The following AHI1 variants were observed in gnomAD, a reference collection of about 807,000 sequenced individuals.
AHI1 encodes Abelson helper integration site 1.
AHI1 carries 123 observed loss-of-function variants against 149.3 expected under a neutral mutation model. That is an observed-to-expected ratio of 0.82 (90% CI 0.71 to 0.96). The LOEUF (loss-of-function observed/expected upper bound fraction) is 0.96, where lower values mean the gene tolerates loss of function less well. Ranked by LOEUF, AHI1 falls within the 40% of genes least tolerant of loss-of-function variation. AHI1 has a pLI of 0.00. For synonymous variants in AHI1, 475 were observed against 459.8 expected, an observed-to-expected ratio of 1.03 and a Z score of -0.42; for missense variants, 1,439 against 1,422.7, an observed-to-expected ratio of 1.01 and a Z score of -0.18.
chr6:135,362,801 T>C (rs1794117923), intron 23 of AHI1, among the ~76,000 whole-genome samples: 1 of 152,128 alleles, frequency 6.6e-6, no homozygotes, highest in South Asian at 2.1e-4. Flanking sequence ...GAAGATTTTC[T>C]CCCACTCTGT....
At chr6:135,340,666 T>TAC (rs1220934806) in intron 24 of AHI1, among the ~76,000 whole-genome samples, 1 of 114,840 alleles carries the variant, frequency 8.7e-6, no homozygotes, top group Non-Finnish European at 1.8e-5. Context: ...TACATATATA[T>TAC]ATATATATAT....
chr6:135,383,023 G>A (rs1294940328), intron 23 of AHI1, among the ~76,000 whole-genome samples: 4 of 140,428 alleles, frequency 2.8e-5, no homozygotes, highest in South Asian at 2.2e-4. Context: ...TATAATGGCT[G>A]AAATGAACAC....
chr6:135,301,761 C>T (rs948636882), intron 26 of AHI1: 46 of 985,276 alleles, frequency 4.7e-5, no homozygotes, highest in Non-Finnish European at 5.1e-5. Flanking sequence ...TTTTTCTCCA[C>T]CAGTGGAATT....
In AHI1 at chr6:135,448,313, T is replaced by C; in HGVS notation, c.1603A>G (p.Arg535Gly). 1 of 1,597,240 alleles carries C rather than the reference T, an allele frequency of 6.3e-7. No homozygotes were observed. The highest frequency in any genetic ancestry group is 8.6e-7 in the Non-Finnish European group (1 of 1,169,498). The change falls in exon 12 of 29, where the codon AGA becomes GGA. Residue 535 changes from arginine (R) to glycine (G), a missense_variant. Coordinates refer to ENST00000265602, the MANE Select transcript of AHI1 (RefSeq NM_001134831.2). ...HYPSTLYVTVRGLKVPDCIKP... is the reference protein window; with the variant it reads ...HYPSTLYVTVGGLKVPDCIKP... ...ACACAGTCTGGAACTTTCAGTCCTC[T>C]TACAGTTACGTACAGTGTTGATGGG...
At chr6:135,391,702 C>G (rs752121809) in intron 23 of AHI1, among the ~76,000 whole-genome samples, 1 of 152,072 alleles carries the variant, frequency 6.6e-6, no homozygotes, top group African/African-American at 2.4e-5. Context: ...ATACCAAGCT[C>G]TCTTCTAAGT....
chr6:135,480,723 C>T (rs573190796), intron 5 of AHI1, among the ~76,000 whole-genome samples: 1 of 152,290 alleles, frequency 6.6e-6, no homozygotes, highest in African/African-American at 2.4e-5. Flanking sequence ...CAGGGGTCCT[C>T]ATGCCCCAGG....
rs115036424 is a variant in AHI1, at chr6:135,384,005, A to G, written c.3109+10771T>C. On this transcript the variant is annotated intron_variant, in intron 23 of 28. Coordinates refer to ENST00000265602, the MANE Select transcript of AHI1 (RefSeq NM_001134831.2). ...GAGGCAAAGCAGTGAGTTGCAAAAC[A>G]TTTACTACTTTCACCACGGTATAAA... Among the ~76,000 whole-genome samples the G allele has an allele frequency of 3.5e-3, 533 of 152,328 alleles. 5 individuals carry two copies. The highest frequency in any genetic ancestry group is 0.012 in the African/African-American group (514 of 41,574).
At chr6:135,323,500 G>T in intron 24 of AHI1, 176 bp from the exon 25 acceptor site, 1 of 486,206 alleles carries the variant, frequency 2.1e-6, no homozygotes, top group Admixed American at 3.7e-5. Flanking sequence ...AGCAGGAGAA[G>T]CAAGATAAAA....
At position 135,465,984 on chromosome 6, in the gene AHI1, C is replaced by T; in HGVS notation, c.579G>A (p.Gln193=). 6.2e-7 allele frequency: 1 copy of T among 1,613,910 alleles called. No individual in the cohort carries two copies. Among genetic ancestry groups the T allele is most frequent in the Non-Finnish European group, 8.5e-7 (1 of 1,179,866 alleles). The change falls in exon 7 of 29, where the codon CAG becomes CAA. Residue 193 remains glutamine (Q), a synonymous_variant. Transcript: ENST00000265602. ...EEDEELMQAY[Q]CHVTEEMAKE... is the part of the protein sequence containing the mutation. ...TTGCCATTTCTTCAGTTACATGGCA[C>T]TGATATGCTTGCATCAATTCTTCAT...
intron 2 of AHI1, among the ~76,000 whole-genome samples, chr6:135,496,101 C>T (rs886952721): frequency 2.6e-5 from 4 of 151,892 alleles, no homozygotes; most frequent in Admixed American, 2.6e-4. Context: ...ACAGCAAATA[C>T]AGTACAGAAA....
At chr6:135,493,304 C>A (rs961319707) in intron 3 of AHI1, among the ~76,000 whole-genome samples, 1 of 152,106 alleles carries the variant, frequency 6.6e-6, no homozygotes, top group African/African-American at 2.4e-5. Flanking sequence ...GGGCCCAAGG[C>A]ATTATTGGTT....
At chr6:135,455,114 A>AT (rs145481711) in intron 10 of AHI1, among the ~76,000 whole-genome samples, 5,035 of 151,948 alleles carry the variant, frequency 0.033, 302 homozygotes, top group African/African-American at 0.11. Flanking sequence ...CTGCAAACGC[A>AT]TTTTTTTTAA....
intron 24 of AHI1, among the ~76,000 whole-genome samples, chr6:135,328,278 T>A (rs938248965): frequency 6.6e-6 from 1 of 152,162 alleles, no homozygotes; most frequent in African/African-American, 2.4e-5. Context: ...AGATACTGCA[T>A]TTTTTTGCCA....
chr6:135,302,938 T>A, intron 26 of AHI1: 2 of 599,242 alleles, frequency 3.3e-6, no homozygotes, highest in Non-Finnish European at 4.9e-6. Context: ...AAAGTTGTTT[T>A]ATGACTTTGT....
chr6:135,333,294 T>A (rs941501206), intron 24 of AHI1, among the ~76,000 whole-genome samples: 2 of 152,232 alleles, frequency 1.3e-5, no homozygotes, highest in African/African-American at 4.8e-5. Flanking sequence ...AAATCCTGAA[T>A]TGTACAGAAG....
At chr6:135,393,334 C>A (rs868411583) in intron 23 of AHI1, among the ~76,000 whole-genome samples, 1 of 152,094 alleles carries the variant, frequency 6.6e-6, no homozygotes, top group Non-Finnish European at 1.5e-5. Flanking sequence ...TAAGATACTG[C>A]TTAAATGAAT....
At chr6:135,302,821 T>C in intron 26 of AHI1, 2 of 1,288,732 alleles carry the variant, frequency 1.6e-6, no homozygotes, top group Non-Finnish European at 2.0e-6. Flanking sequence ...ATTTTACCTT[T>C]AAACGAAAAA....
intron 23 of AHI1, among the ~76,000 whole-genome samples, chr6:135,359,887 T>C (rs1333711066): frequency 6.6e-6 from 1 of 152,022 alleles, no homozygotes; most frequent in Non-Finnish European, 1.5e-5. Context: ...GTTTATACAA[T>C]ACCAAGAAAA....
intron 21 of AHI1, among the ~76,000 whole-genome samples, chr6:135,410,393 C>T (rs1781417339): frequency 6.6e-6 from 1 of 152,114 alleles, no homozygotes; most frequent in African/African-American, 2.4e-5. Flanking sequence ...AACAAAACAA[C>T]CAAAAACCAC....
Sources: allele counts gnomAD v4.1 joint callset (sites outside exome capture counted in the v4.1 genomes callset), GRCh38; gene constraint gnomAD v4.1.1; transcripts MANE v1.5; gene names NCBI Gene and HGNC (gene_info 2026-07-23, HGNC 2026-07-21).